The following FAM83G variants were observed in gnomAD, a reference collection of about 807,000 sequenced individuals.
The protein encoded by FAM83G is protein FAM83G.
FAM83G carries 38 observed loss-of-function variants against 61.5 expected under a neutral mutation model. That is an observed-to-expected ratio of 0.62 (90% CI 0.48 to 0.81). The LOEUF (loss-of-function observed/expected upper bound fraction) is 0.81. Among genes scored for constraint, FAM83G ranks in the 30% least tolerant of loss-of-function variants. The probability of loss-of-function intolerance (pLI) is 0.00; values close to 1 mark genes in which losing one functional copy is unlikely to be tolerated. For synonymous variants in FAM83G, 470 were observed against 476.1 expected, an observed-to-expected ratio of 0.99 and a Z score of 0.17; for missense variants, 989 against 1,133.6, an observed-to-expected ratio of 0.87 and a Z score of 1.83.
chr17:18,969,302 G>A lies in FAM83G; in HGVS notation c.*2057C>T, dbSNP rs758739925. On this transcript the variant is annotated 3_prime_UTR_variant, in exon 6 of 6. Coordinates refer to ENST00000388995, the MANE Select transcript of FAM83G (RefSeq NM_001039999.3). Reference sequence around the variant, plus strand: ...TTCCTCCCCGTGTCCCTCCTCCCTGGGGCCAGGGCCCCCTCCAGCAACCTT... The same window carrying A: ...TTCCTCCCCGTGTCCCTCCTCCCTGAGGCCAGGGCCCCCTCCAGCAACCTT... The A allele has an allele frequency of 6.2e-6, 10 of 1,605,590 alleles. No homozygotes were observed. Among genetic ancestry groups the A allele is most frequent in the Non-Finnish European group, 6.8e-6 (8 of 1,174,940 alleles).
Position 18,969,449 on chromosome 17 carries a change from G to T in FAM83G, c.*1910C>A. The T allele has an allele frequency of 1.2e-6, 2 of 1,604,270 alleles. No homozygotes were observed. The highest frequency in any genetic ancestry group is 1.7e-6 in the Non-Finnish European group (2 of 1,172,032). On this transcript the variant is annotated 3_prime_UTR_variant, in exon 6 of 6. Transcript: ENST00000388995. ...TGAGGACAGAGTCTGTGGCCATGGC[G>T]GGGCTGTCCCCACAGCGAGCCCTTT...
intron 3 of FAM83G, among the ~76,000 whole-genome samples, chr17:18,986,941 C>T (rs1028707341): frequency 1.3e-5 from 2 of 152,146 alleles, no homozygotes; most frequent in African/African-American, 2.4e-5. Context: ...AATTACGCGG[C>T]GGGGAGTGAG....
intron 3 of FAM83G, among the ~76,000 whole-genome samples, chr17:18,980,659 G>A (rs945295180): frequency 7.9e-5 from 12 of 152,104 alleles, no homozygotes; most frequent in African/African-American, 2.4e-4. Context: ...TGCTGGGCAC[G>A]GCAGACCCCA....
chr17:19,004,101 C>T lies in FAM83G; in HGVS notation c.-60G>A. ...GGTGGGCAAGGTCCAGCTCCTAGCT[C>T]CGGCCCAGCTGGGGCACCGCGCGCT... On this transcript the variant is annotated 5_prime_UTR_variant, in exon 2 of 6. Coordinates refer to ENST00000388995, the MANE Select transcript of FAM83G (RefSeq NM_001039999.3). This position sits in a 1 kb window ranked among gnomAD's most constrained non-coding sequence, Gnocchi z 5.4. 1 of 1,505,182 alleles carries T rather than the reference C, an allele frequency of 6.6e-7. No homozygotes were observed. Among genetic ancestry groups the T allele is most frequent in the Non-Finnish European group, 8.9e-7 (1 of 1,123,862 alleles). 93.2% of individuals were successfully genotyped at this position (1,505,182 alleles called of 1,614,324 possible). A position where few individuals can be genotyped will look rare whatever the true frequency, so the allele number is the denominator to read the frequency against.
In FAM83G at chr17:18,971,063, G is replaced by C; in HGVS notation, c.*296C>G. 1 of 1,614,022 alleles carries C rather than the reference G, an allele frequency of 6.2e-7. No individual in the cohort carries two copies. Among genetic ancestry groups the C allele is most frequent in the Non-Finnish European group, 8.5e-7 (1 of 1,180,018 alleles). On this transcript the variant is annotated 3_prime_UTR_variant, in exon 6 of 6. Coordinates refer to ENST00000388995, the MANE Select transcript of FAM83G (RefSeq NM_001039999.3). This position sits in a 1 kb window ranked among gnomAD's most constrained non-coding sequence, Gnocchi z 5.5. ...GCAGCTGGAGGCAGCCTACGCCCAGGCCATTCCCTCCAGGACCATTGCCAA... is the reference window on the plus strand; with the variant it reads ...GCAGCTGGAGGCAGCCTACGCCCAGCCCATTCCCTCCAGGACCATTGCCAA...
At position 18,970,837 on chromosome 17, in the gene FAM83G, A is replaced by T. The variant is rs988827946; in HGVS notation, c.*522T>A. 1.1e-5 allele frequency: 5 copies of T among 439,660 alleles called. No individual in the cohort carries two copies. The highest frequency in any genetic ancestry group is 5.1e-5 in the African/African-American group (2 of 39,476). The allele number at this position is 439,660 out of a possible 1,614,324, so 27.2% of individuals were successfully genotyped here. On this transcript the variant is annotated 3_prime_UTR_variant, in exon 6 of 6. Coordinates refer to ENST00000388995, the MANE Select transcript of FAM83G (RefSeq NM_001039999.3). ...TAAAATAGTCATTCAAATACACCTT[A>T]AAAAAAAAAACAACCCTCTACCCTC...
chr17:18,978,370 G>T lies in FAM83G; in HGVS notation c.1296C>A (p.Ile432=). 6.3e-7 allele frequency: 1 copy of T among 1,593,466 alleles called. No individual in the cohort carries two copies. The highest frequency in any genetic ancestry group is 8.5e-7 in the Non-Finnish European group (1 of 1,170,192). ...GSDILGYINI[I]DPNIWNPQPS... is the part of the protein sequence containing the mutation. ...GCTGGGGGTTCCAGATGTTGGGGTC[G>T]ATGATATTGATGTAGCCCAGGATGT... The change falls in exon 5 of 6, where the codon ATC becomes ATA. Residue 432 remains isoleucine, a synonymous_variant. Transcript: ENST00000388995.
intron 2 of FAM83G, among the ~76,000 whole-genome samples, chr17:19,002,463 C>T (rs560910850): frequency 1.3e-5 from 2 of 152,324 alleles, no homozygotes; most frequent in South Asian, 2.1e-4. Flanking sequence ...CCAGGATGGT[C>T]CCCGAAGCCA....
Position 18,978,051 on chromosome 17 carries a change from T to A in FAM83G, c.1615A>T (p.Thr539Ser). ...LPKEEAPQNG[T>S]DHRLPRMAGP... ...GCCATCCTGGGTAGCCTATGGTCTGTCCCATTCTGGGGAGCTTCCTCTTTG... is the reference window on the plus strand; with the variant it reads ...GCCATCCTGGGTAGCCTATGGTCTGACCCATTCTGGGGAGCTTCCTCTTTG... Residue 539 changes from threonine to serine, a missense_variant, in exon 5 of 6, where the codon ACA becomes TCA. By Grantham distance (58) the Thr-to-Ser change is moderately conservative. This residue lies in a region of FAM83G where 574 missense variants were observed against 645.1 expected (regional missense o/e 0.89). Transcript: ENST00000388995. The A allele has an allele frequency of 6.6e-7, 1 of 1,523,744 alleles. No individual in the cohort carries two copies. Among genetic ancestry groups the A allele is most frequent in the Non-Finnish European group, 8.8e-7 (1 of 1,138,504 alleles). The allele number at this position is 1,523,744 out of a possible 1,614,324, so 94.4% of individuals were successfully genotyped here.
rs749610829 is a variant in FAM83G, at chr17:19,004,066, G to A, written c.-25C>T. On this transcript the variant is annotated 5_prime_UTR_variant, in exon 2 of 6. It introduces an in-frame stop codon into an upstream open reading frame of the 5' UTR. Coordinates refer to ENST00000388995, the MANE Select transcript of FAM83G (RefSeq NM_001039999.3). This position sits in a 1 kb window ranked among gnomAD's most constrained non-coding sequence, Gnocchi z 5.4. ...TGGCGCCGCCTGCCCGGGCACTGCT[G>A]CCGGGGGTGGGTGGGCAAGGTCCAG... is the stretch of plus-strand genomic sequence containing the variant. 13 of 1,558,474 alleles carry A rather than the reference G, an allele frequency of 8.3e-6. No homozygotes were observed. The South Asian group carries it at 8.5e-5, about 10-fold the overall frequency.
Position 18,978,703 on chromosome 17 carries a change from C to T in FAM83G, c.963G>A (p.Pro321=), listed in dbSNP as rs748625657. ...SLKGIPMEKE[P]EPEPIVLPSV... is the part of the protein sequence containing the mutation. Reference sequence around the variant, plus strand: ...AGGGCAGCACAATAGGCTCCGGCTCCGGTTCCTTCTCCATAGGGATGCCCT... The same window carrying T: ...AGGGCAGCACAATAGGCTCCGGCTCTGGTTCCTTCTCCATAGGGATGCCCT... The change falls in exon 5 of 6, where the codon CCG becomes CCA. Residue 321 remains proline (P), a synonymous_variant. Transcript: ENST00000388995. 58 of 1,612,836 alleles carry T rather than the reference C, an allele frequency of 3.6e-5. No homozygotes were observed. Among genetic ancestry groups the T allele is most frequent in the Non-Finnish European group, 4.7e-5 (55 of 1,179,996 alleles).
At position 18,985,768 on chromosome 17, in the gene FAM83G, C is replaced by T. The variant is rs184850832; in HGVS notation, c.690+2479G>A. On this transcript the variant is annotated intron_variant, in intron 3 of 5. Coordinates refer to ENST00000388995, the MANE Select transcript of FAM83G (RefSeq NM_001039999.3). The stretch of plus-strand genomic sequence containing the variant: ...CACCCTACAGACTCTGCCACCTTCC[C>T]TGGGGAAGCGAGGCGGCTGAGCAGG... Among the ~76,000 whole-genome samples, 245 of 152,332 alleles carry T rather than the reference C, an allele frequency of 1.6e-3. 2 individuals are homozygous for T. Among genetic ancestry groups the T allele is most frequent in the Non-Finnish European group, 1.8e-3 (125 of 68,018 alleles).
intron 3 of FAM83G, among the ~76,000 whole-genome samples, chr17:18,981,267 G>A (rs2043125627): frequency 6.6e-6 from 1 of 152,082 alleles, no homozygotes; most frequent in Non-Finnish European, 1.5e-5. Context: ...GCATTCCAGG[G>A]AAGGGACTCA....
rs1052303661 is a variant in FAM83G at position 19,000,128 on chromosome 17, A to C, written c.522+3392T>G. 6.6e-6 allele frequency among the ~76,000 whole-genome samples: 1 copy of C among 152,206 alleles called. No individual in the cohort carries two copies. On this transcript the variant is annotated intron_variant, in intron 2 of 5. Coordinates refer to ENST00000388995, the MANE Select transcript of FAM83G (RefSeq NM_001039999.3). This position sits in a 1 kb window ranked among gnomAD's most constrained non-coding sequence, Gnocchi z 5.2. Reference sequence around the variant, plus strand: ...TCCTCTGGTATGTAGTTGGAACCCCACAGCAGGTTTTTTCCCAGATAAATC... The same window carrying C: ...TCCTCTGGTATGTAGTTGGAACCCCCCAGCAGGTTTTTTCCCAGATAAATC...
In FAM83G at chr17:19,000,498, A is replaced by C. The variant is rs991545199; in HGVS notation, c.522+3022T>G. Among the ~76,000 whole-genome samples the C allele has an allele frequency of 2.0e-5, 3 of 152,134 alleles. No individual in the cohort carries two copies. Among genetic ancestry groups the C allele is most frequent in the Admixed American group, 2.0e-4 (3 of 15,284 alleles). On this transcript the variant is annotated intron_variant, in intron 2 of 5. Transcript: ENST00000388995. This position sits in a 1 kb window ranked among gnomAD's most constrained non-coding sequence, Gnocchi z 5.2. ...AGTTCCATTCTAGTCATTTGGGAAC[A>C]GGGGGGACTGACAGCAGTCCTGACA...
At chr17:18,976,721 C>A in intron 5 of FAM83G, 2 of 1,200,260 alleles carry the variant, frequency 1.7e-6, no homozygotes, top group Non-Finnish European at 2.3e-6. Context: ...TTGAGTGTGG[C>A]TGTTTTGGGC....
chr17:18,995,153 T>C (rs1235400408), intron 2 of FAM83G, among the ~76,000 whole-genome samples: 1 of 151,692 alleles, frequency 6.6e-6, no homozygotes, highest in Non-Finnish European at 1.5e-5. Context: ...CAAGAAAACA[T>C]GATGCACATG....
rs530610470 is a variant in FAM83G, at chr17:18,979,252, C to T, written c.815+297G>A. ...ATGTGGTGGTGCCCACAGAGCTGGCCCCATCCCTAAGGACGGCTCTCAGAG... is the reference window on the plus strand; with the variant it reads ...ATGTGGTGGTGCCCACAGAGCTGGCTCCATCCCTAAGGACGGCTCTCAGAG... On this transcript the variant is annotated intron_variant, in intron 4 of 5. Transcript: ENST00000388995. 6 of 482,498 alleles carry T rather than the reference C, an allele frequency of 1.2e-5. No individual in the cohort carries two copies. The South Asian group carries it at 1.5e-4, about 12-fold the overall frequency. 29.9% of individuals were successfully genotyped at this position (482,498 alleles called of 1,614,324 possible).
rs1863892473 is a variant in FAM83G at position 19,004,132 on chromosome 17, G to A, written c.-91C>T. On this transcript the variant is annotated 5_prime_UTR_variant, in exon 2 of 6. Coordinates refer to ENST00000388995, the MANE Select transcript of FAM83G (RefSeq NM_001039999.3). This position sits in a 1 kb window ranked among gnomAD's most constrained non-coding sequence, Gnocchi z 5.4. ...CAGCTGGGGCACCGCGCGCTCGGGG[G>A]CCTCTCCGCGGCCTCTGCTTCTCTG... The A allele has an allele frequency of 1.6e-6, 2 of 1,273,574 alleles. No individual in the cohort carries two copies. The highest frequency in any genetic ancestry group is 2.2e-6 in the Non-Finnish European group (2 of 925,912). The allele number at this position is 1,273,574 out of a possible 1,614,324, so 78.9% of individuals were successfully genotyped here. A position where few individuals can be genotyped will look rare whatever the true frequency, so the allele number is the denominator to read the frequency against.
Sources: allele counts gnomAD v4.1 joint callset (sites outside exome capture counted in the v4.1 genomes callset), GRCh38; gene constraint gnomAD v4.1.1; regional missense constraint gnomAD v4.1.1; non-coding constraint Gnocchi (gnomAD v3.1); transcripts MANE v1.5; gene names NCBI Gene and HGNC (gene_info 2026-07-23, HGNC 2026-07-21).